Variants in CRBN observed in about 807,000 individuals in gnomAD.
The protein encoded by CRBN is protein cereblon.
In CRBN, 53 loss-of-function variants were observed where a neutral mutation model predicts 62.2. That is an observed-to-expected ratio of 0.85 (90% CI 0.68 to 1.07). The LOEUF (loss-of-function observed/expected upper bound fraction) is 1.07, where lower values mean the gene tolerates loss of function less well. Among genes scored for constraint, CRBN ranks in the 50% least tolerant of loss-of-function variants. CRBN has a pLI of 0.00. For synonymous variants in CRBN, 208 were observed against 176.1 expected, an observed-to-expected ratio of 1.18 and a Z score of -1.43; for missense variants, 616 against 531.1, an observed-to-expected ratio of 1.16 and a Z score of -1.57.
At position 3,150,637 on chromosome 3, in the gene CRBN, A is replaced by T; in HGVS notation, c.*228T>A. ...ACAGGATAATGGCACCAAGCTACCC[A>T]AGTAGATGTTTCTGGTATTCTAGAC... On this transcript the variant is annotated 3_prime_UTR_variant, in exon 11 of 11. Transcript: ENST00000231948. 2.1e-6 allele frequency: 1 copy of T among 468,916 alleles called. No individual in the cohort carries two copies. Among genetic ancestry groups the T allele is most frequent in the South Asian group, 2.2e-5 (1 of 46,366 alleles). The allele number at this position is 468,916 out of a possible 1,614,324, so 29.0% of individuals were successfully genotyped here.
chr3:3,154,668 G>T (rs1706802881), intron 7 of CRBN, 79 bp downstream of exon 7: 1 of 797,302 alleles, frequency 1.3e-6, no homozygotes, highest in South Asian at 1.3e-5. Flanking sequence ...TAGAAGATAT[G>T]ATTGGATCGC....
chr3:3,162,029 G>C (rs968559772), intron 5 of CRBN, among the ~76,000 whole-genome samples: 1 of 152,204 alleles, frequency 6.6e-6, no homozygotes, highest in Non-Finnish European at 1.5e-5. Flanking sequence ...TAATCTGGGA[G>C]ATTACGTATG....
At chr3:3,169,643 A>G (rs1438937270) in intron 4 of CRBN, among the ~76,000 whole-genome samples, 1 of 152,236 alleles carries the variant, frequency 6.6e-6, no homozygotes, top group Non-Finnish European at 1.5e-5. Context: ...GCTTCAATGG[A>G]AAGACCTTGG....
At chr3:3,151,117 T>G in intron 10 of CRBN, 72 bp from the exon 11 acceptor site, 2 of 1,524,888 alleles carry the variant, frequency 1.3e-6, no homozygotes, top group Non-Finnish European at 1.8e-6. Context: ...AAACCTATCA[T>G]GAAGACAGAC....
chr3:3,150,517 GA>G lies in CRBN; in HGVS notation c.*347del, dbSNP rs1706449007. The stretch of plus-strand genomic sequence containing the variant: ...TCAGTTTCACATTGTAGGAATTTAA[GA>G]TTTTTTTTTTTTTTAACACAGGAAA... On this transcript the variant is annotated 3_prime_UTR_variant, in exon 11 of 11. Coordinates refer to ENST00000231948, the MANE Select transcript of CRBN (RefSeq NM_016302.4). The G allele has an allele frequency of 9.7e-6, 2 of 207,156 alleles. No individual in the cohort carries two copies. The highest frequency in any genetic ancestry group is 2.5e-5 in the African/African-American group (1 of 39,986). The allele number at this position is 207,156 out of a possible 1,614,324, so 12.8% of individuals were successfully genotyped here. A position where few individuals can be genotyped will look rare whatever the true frequency, so the allele number is the denominator to read the frequency against.
chr3:3,176,897 A>G (rs1346446277), intron 1 of CRBN, among the ~76,000 whole-genome samples: 1 of 152,236 alleles, frequency 6.6e-6, no homozygotes. Flanking sequence ...AACGCTACAC[A>G]ATACATATGC....
At chr3:3,177,060 G>A (rs148710715) in intron 1 of CRBN, among the ~76,000 whole-genome samples, 1 of 152,128 alleles carries the variant, frequency 6.6e-6, no homozygotes, top group African/African-American at 2.4e-5. Flanking sequence ...GTGGGTAGAG[G>A]CCAGGGATGC....
intron 5 of CRBN, chr3:3,156,501 A>AT (rs910268389): frequency 7.5e-5 from 42 of 557,144 alleles, no homozygotes; most frequent in African/African-American, 6.6e-4. Flanking sequence ...CTTCATTCCT[A>AT]TTTAAAAAGG....
chr3:3,172,751 C>T (rs1470565433), intron 4 of CRBN, 25 bp downstream of exon 4: 2 of 1,604,428 alleles, frequency 1.2e-6, no homozygotes, highest in Non-Finnish European at 1.7e-6. Context: ...ATTCAAAGAG[C>T]ATTAAGGTAT....
At chr3:3,179,018 A>G (rs571882682) in intron 1 of CRBN, among the ~76,000 whole-genome samples, 161 of 152,340 alleles carry the variant, frequency 1.1e-3, no homozygotes, top group African/African-American at 3.8e-3. Context: ...CGATAGTAAG[A>G]AAAACAAAAC....
intron 4 of CRBN, among the ~76,000 whole-genome samples, chr3:3,169,926 G>A (rs1439308373): frequency 6.6e-6 from 1 of 151,800 alleles, no homozygotes; most frequent in Admixed American, 6.6e-5. Context: ...TTCAGAAGAT[G>A]CCCACCCCCC....
intron 3 of CRBN, 56 bp downstream of exon 3, chr3:3,174,003 C>T (rs1707728954): frequency 3.0e-5 from 43 of 1,423,418 alleles, no homozygotes; most frequent in Non-Finnish European, 4.0e-5. Context: ...CAACACTGAC[C>T]ACTGCAATTA....
chr3:3,162,739 A>G (rs1455044525), intron 5 of CRBN, among the ~76,000 whole-genome samples: 1 of 152,216 alleles, frequency 6.6e-6, no homozygotes, highest in African/African-American at 2.4e-5. Context: ...CAACCTTATT[A>G]GCTTGAGTTA....
intron 5 of CRBN, among the ~76,000 whole-genome samples, chr3:3,160,870 G>A (rs908941145): frequency 2.6e-5 from 4 of 152,176 alleles, no homozygotes; most frequent in African/African-American, 9.7e-5. Flanking sequence ...GACAATGGTG[G>A]CATCTCAAAT....
intron 4 of CRBN, among the ~76,000 whole-genome samples, chr3:3,168,956 C>A (rs1360458289): frequency 6.6e-6 from 1 of 152,122 alleles, no homozygotes; most frequent in Non-Finnish European, 1.5e-5. Context: ...TCTCAATTTT[C>A]TTCACCTGAT....
intron 5 of CRBN, among the ~76,000 whole-genome samples, chr3:3,162,184 A>G (rs1240500493): frequency 6.6e-6 from 1 of 152,210 alleles, no homozygotes; most frequent in Non-Finnish European, 1.5e-5. Context: ...TTATCTTTAC[A>G]TTTCATACTC....
chr3:3,169,864 A>C (rs1229551546), intron 4 of CRBN, among the ~76,000 whole-genome samples: 1 of 150,926 alleles, frequency 6.6e-6, no homozygotes, highest in Non-Finnish European at 1.5e-5. Context: ...GGAACTTCTG[A>C]AGAGTCCTAT....
At chr3:3,154,307 G>A (rs1258837362) in intron 7 of CRBN, 2 of 529,506 alleles carry the variant, frequency 3.8e-6, no homozygotes, top group Non-Finnish European at 6.7e-6. Flanking sequence ...TGTTAAACAT[G>A]AACTCAAATC....
At chr3:3,157,848 T>G (rs926531988) in intron 5 of CRBN, among the ~76,000 whole-genome samples, 3 of 152,190 alleles carry the variant, frequency 2.0e-5, no homozygotes, top group Non-Finnish European at 4.4e-5. Flanking sequence ...TGTTCAAATA[T>G]GGGAACTTTT....
Sources: allele counts gnomAD v4.1 joint callset (sites outside exome capture counted in the v4.1 genomes callset), GRCh38; gene constraint gnomAD v4.1.1; transcripts MANE v1.5; gene names NCBI Gene and HGNC (gene_info 2026-07-23, HGNC 2026-07-21).